The following SMYD3 variants were observed in gnomAD, a reference collection of about 807,000 sequenced individuals.
SMYD3 encodes the protein histone-lysine N-methyltransferase SMYD3.
A neutral mutation model predicts 57.7 loss-of-function variants in SMYD3; 36 were observed. The observed-to-expected ratio is 0.62, with a 90% CI of 0.48 to 0.82. The LOEUF is 0.82. Ranked by LOEUF, SMYD3 falls within the 40% of genes least tolerant of loss-of-function variation. The pLI, the probability that SMYD3 is intolerant of heterozygous loss-of-function variation, is 0.00. For missense variants in SMYD3, 515 were observed against 538.8 expected (o/e 0.96, Z 0.44); for synonymous variants, 211 against 195.0 (o/e 1.08, Z -0.68).
chr1:246,383,683 C>A (rs1347617883), intron 1 of SMYD3, among the ~76,000 whole-genome samples: 1 of 152,144 alleles, frequency 6.6e-6, no homozygotes, highest in Non-Finnish European at 1.5e-5. Context: ...AAGATGGGGT[C>A]AGGCATGGTG....
intron 2 of SMYD3, among the ~76,000 whole-genome samples, chr1:246,345,745 G>A (rs1572403295): frequency 6.6e-6 from 1 of 152,274 alleles, no homozygotes. Flanking sequence ...TCAATCCTGA[G>A]CATGCCTTTG....
intron 5 of SMYD3, among the ~76,000 whole-genome samples, chr1:246,163,755 G>A (rs528671468): frequency 1.2e-4 from 18 of 152,308 alleles, no homozygotes; most frequent in Middle Eastern, 3.4e-3. Flanking sequence ...ACAGGAAATC[G>A]GCAATGATAT....
At chr1:245,789,897 A>G (rs2047197234) in intron 10 of SMYD3, among the ~76,000 whole-genome samples, 1 of 152,234 alleles carries the variant, frequency 6.6e-6, no homozygotes, top group Non-Finnish European at 1.5e-5. Flanking sequence ...ACTAGAATTC[A>G]TTGACCAGTT....
At chr1:246,265,071 A>G (rs1164532518) in intron 5 of SMYD3, among the ~76,000 whole-genome samples, 1 of 152,208 alleles carries the variant, frequency 6.6e-6, no homozygotes, top group African/African-American at 2.4e-5. Flanking sequence ...TTGATTTTGT[A>G]AAATATTAAT....
chr1:246,032,691 A>T (rs2059699261), intron 5 of SMYD3, among the ~76,000 whole-genome samples: 1 of 152,210 alleles, frequency 6.6e-6, no homozygotes, highest in African/African-American at 2.4e-5. Flanking sequence ...AAAATCAGAT[A>T]CAATATTGTG....
At chr1:246,133,959 T>C (rs1052180252) in intron 5 of SMYD3, among the ~76,000 whole-genome samples, 1 of 152,138 alleles carries the variant, frequency 6.6e-6, no homozygotes, top group African/African-American at 2.4e-5. Flanking sequence ...TCAAAAGAAA[T>C]GTATTCTTGT....
At chr1:246,050,574 G>A (rs2060050046) in intron 5 of SMYD3, among the ~76,000 whole-genome samples, 1 of 152,168 alleles carries the variant, frequency 6.6e-6, no homozygotes, top group Non-Finnish European at 1.5e-5. Flanking sequence ...AAAGCAAAAG[G>A]AATTTCTAGG....
chr1:245,849,489 G>A (rs2050842536), intron 10 of SMYD3, among the ~76,000 whole-genome samples: 1 of 152,072 alleles, frequency 6.6e-6, no homozygotes, highest in Non-Finnish European at 1.5e-5. Context: ...GGGGAGTCAG[G>A]TGGCACTGCC....
intron 5 of SMYD3, among the ~76,000 whole-genome samples, chr1:246,075,051 A>G (rs2060524256): frequency 6.6e-6 from 1 of 152,056 alleles, no homozygotes; most frequent in African/African-American, 2.4e-5. Context: ...GGACAGGGTG[A>G]CCCATTCTCA....
chr1:246,313,375 A>G (rs1366772430), intron 5 of SMYD3, among the ~76,000 whole-genome samples: 1 of 152,162 alleles, frequency 6.6e-6, no homozygotes, highest in African/African-American at 2.4e-5. Flanking sequence ...AGGAGGAAAA[A>G]CAGACCCTAG....
In SMYD3 at chr1:246,470,669, T is replaced by G. The variant is rs1022680003; in HGVS notation, c.164+36385A>C. On this transcript the variant is annotated intron_variant, in intron 1 of 11. Transcript: ENST00000490107. ...TGTATGTGTATATATACAGTGCATA[T>G]GTGTGTATATATATAGTGCATATGT... Among the ~76,000 whole-genome samples the G allele has an allele frequency of 3.6e-4, 55 of 151,324 alleles. 1 individual carries two copies. Among genetic ancestry groups the G allele is most frequent in the Admixed American group, 6.6e-5 (1 of 15,148 alleles).
At chr1:246,357,646 G>A (rs1040875147) in intron 1 of SMYD3, among the ~76,000 whole-genome samples, 2 of 152,114 alleles carry the variant, frequency 1.3e-5, no homozygotes, top group South Asian at 2.1e-4. Context: ...AGCTAGAAGG[G>A]ATTGGGGTCC....
intron 1 of SMYD3, among the ~76,000 whole-genome samples, chr1:246,472,230 T>C (rs1194880310): frequency 6.6e-6 from 1 of 152,016 alleles, no homozygotes; most frequent in African/African-American, 2.4e-5. Context: ...ATTATGATCA[T>C]CAGAGGCTTT....
chr1:245,798,899 C>A (rs968505276), intron 10 of SMYD3, among the ~76,000 whole-genome samples: 9 of 152,166 alleles, frequency 5.9e-5, no homozygotes, highest in Non-Finnish European at 1.0e-4. Flanking sequence ...TCAGACCATG[C>A]CTTAGTGTTC....
chr1:246,046,860 G>T (rs2059976055), intron 5 of SMYD3, among the ~76,000 whole-genome samples: 1 of 151,350 alleles, frequency 6.6e-6, no homozygotes, highest in African/African-American at 2.4e-5. Flanking sequence ...CTCTGTACCA[G>T]AGATAAACAG....
At chr1:245,968,738 G>A (rs1025007533) in intron 5 of SMYD3, among the ~76,000 whole-genome samples, 1 of 152,088 alleles carries the variant, frequency 6.6e-6, no homozygotes, top group Non-Finnish European at 1.5e-5. Context: ...TTGCAAGTGT[G>A]GACTGTAGAC....
chr1:246,120,736 G>T (rs1480005790), intron 5 of SMYD3, among the ~76,000 whole-genome samples: 2 of 152,168 alleles, frequency 1.3e-5, no homozygotes, highest in Admixed American at 6.5e-5. Context: ...GATTTATTCT[G>T]TGAAATCATC....
At chr1:246,116,360 T>C (rs1249092601) in intron 5 of SMYD3, among the ~76,000 whole-genome samples, 5 of 152,156 alleles carry the variant, frequency 3.3e-5, no homozygotes, top group African/African-American at 9.7e-5. Context: ...GCTTATCTTA[T>C]GAAATGGGGC....
chr1:246,348,060 T>TATATA (rs1173574600), intron 2 of SMYD3, among the ~76,000 whole-genome samples: 11 of 82,948 alleles, frequency 1.3e-4, no homozygotes, highest in East Asian at 5.0e-4. Context: ...AAAGAAAACG[T>TATATA]TATATATATA....
Sources: gnomAD v4.1 joint callset for allele counts (sites outside exome capture counted in the v4.1 genomes callset) on GRCh38, gnomAD v4.1.1 for gene constraint, MANE v1.5 for transcripts, NCBI Gene and HGNC (gene_info 2026-07-23, HGNC 2026-07-21) for gene names.